The following GRIK1 variants were observed in gnomAD, a reference collection of about 807,000 sequenced individuals.
The protein encoded by GRIK1 is glutamate receptor ionotropic, kainate 1.
GRIK1 carries 69 observed loss-of-function variants against 105.7 expected under a neutral mutation model. The observed-to-expected ratio is 0.65, with a 90% CI of 0.54 to 0.80. GRIK1 has a LOEUF of 0.80. GRIK1 is among the 30% of genes least tolerant of loss of function. The pLI, the probability that GRIK1 is intolerant of heterozygous loss-of-function variation, is 0.00. For missense variants in GRIK1, 1,109 were observed against 1,167.3 expected, an observed-to-expected ratio of 0.95 and a Z score of 0.73; for synonymous variants, 438 against 431.3, an observed-to-expected ratio of 1.02 and a Z score of -0.19.
At chr21:29,674,647 T>G (rs572329476) in intron 3 of GRIK1, among the ~76,000 whole-genome samples, 12 of 152,150 alleles carry the variant, frequency 7.9e-5, no homozygotes, top group African/African-American at 2.9e-4. Context: ...AGTGTGGCAC[T>G]TCCCCCCTTG....
chr21:29,789,279 C>T (rs748991256), intron 1 of GRIK1, among the ~76,000 whole-genome samples: 2 of 152,208 alleles, frequency 1.3e-5, no homozygotes, highest in Non-Finnish European at 2.9e-5. Context: ...TTGTCTCATA[C>T]ACGATTAGCT....
intron 1 of GRIK1, among the ~76,000 whole-genome samples, chr21:29,719,671 G>A (rs746625821): frequency 2.0e-5 from 3 of 152,016 alleles, no homozygotes; most frequent in Non-Finnish European, 4.4e-5. Context: ...TCTGCAGCAT[G>A]TCTCTATCCT....
At chr21:29,631,227 T>C (rs538634276) in intron 7 of GRIK1, among the ~76,000 whole-genome samples, 17 of 152,246 alleles carry the variant, frequency 1.1e-4, no homozygotes, top group Admixed American at 3.3e-4. Context: ...TTGTTACAGA[T>C]TGAATAATTG....
At chr21:29,736,177 C>T (rs1294467652) in intron 1 of GRIK1, among the ~76,000 whole-genome samples, 1 of 151,066 alleles carries the variant, frequency 6.6e-6, no homozygotes, top group East Asian at 2.0e-4. Flanking sequence ...TTATAAAAAT[C>T]AGATACTGTC....
At chr21:29,742,784 A>T (rs1014001677) in intron 1 of GRIK1, among the ~76,000 whole-genome samples, 1 of 152,148 alleles carries the variant, frequency 6.6e-6, no homozygotes, top group African/African-American at 2.4e-5. Flanking sequence ...GAACATAGTG[A>T]ATCTGAGGTT....
chr21:29,809,902 A>G (rs2066965040), intron 1 of GRIK1, among the ~76,000 whole-genome samples: 1 of 152,186 alleles, frequency 6.6e-6, no homozygotes, highest in Admixed American at 6.5e-5. Context: ...GAAATGGAGG[A>G]ACAGCCGGTC....
At chr21:29,553,823 A>G (rs1304164623) in intron 16 of GRIK1, 3 of 676,928 alleles carry the variant, frequency 4.4e-6, no homozygotes, top group Non-Finnish European at 4.9e-6. Flanking sequence ...AGCACATTAA[A>G]GCATCATATA....
chr21:29,850,096 G>A (rs2068257796), intron 1 of GRIK1, among the ~76,000 whole-genome samples: 1 of 152,068 alleles, frequency 6.6e-6, no homozygotes, highest in South Asian at 2.1e-4. Context: ...TTTTTGGTTC[G>A]GTTTCGCTGA....
chr21:29,831,358 G>A (rs1386993527), intron 1 of GRIK1, among the ~76,000 whole-genome samples: 1 of 152,094 alleles, frequency 6.6e-6, no homozygotes, highest in Admixed American at 6.6e-5. Context: ...AAGAACTTTT[G>A]CATACGCTAT....
chr21:29,560,538 T>TTCTTTCTC (rs2090441657), intron 15 of GRIK1, among the ~76,000 whole-genome samples: 6 of 106,018 alleles, frequency 5.7e-5, no homozygotes, highest in Non-Finnish European at 1.1e-4. Flanking sequence ...CTTTCTTTCT[T>TTCTTTCTC]TCTTTCTTTC....
chr21:29,800,925 T>A (rs931246242), intron 1 of GRIK1, among the ~76,000 whole-genome samples: 2 of 152,090 alleles, frequency 1.3e-5, no homozygotes, highest in African/African-American at 4.8e-5. Context: ...AGGGCGGTAA[T>A]TGCTTTGATT....
chr21:29,647,318 T>G (rs898852099), intron 6 of GRIK1, among the ~76,000 whole-genome samples: 1 of 152,224 alleles, frequency 6.6e-6, no homozygotes, highest in Non-Finnish European at 1.5e-5. Flanking sequence ...GTTAAATGAC[T>G]TGTTCAGGTC....
At chr21:29,557,477 G>A (rs1294152619) in intron 15 of GRIK1, among the ~76,000 whole-genome samples, 1 of 152,160 alleles carries the variant, frequency 6.6e-6, no homozygotes, top group Non-Finnish European at 1.5e-5. Flanking sequence ...TCACGACAGT[G>A]TTCCCAACCA....
chr21:29,565,348 G>A (rs1438732602), intron 14 of GRIK1, among the ~76,000 whole-genome samples: 2 of 152,192 alleles, frequency 1.3e-5, no homozygotes, highest in African/African-American at 4.8e-5. Flanking sequence ...TTTGCAGGAA[G>A]ACCCAAAATG....
At chr21:29,577,898 A>G (rs2090933442) in intron 13 of GRIK1, among the ~76,000 whole-genome samples, 1 of 152,218 alleles carries the variant, frequency 6.6e-6, no homozygotes, top group East Asian at 1.9e-4. Flanking sequence ...CCTGGTAAGA[A>G]TATACATTTT....
At chr21:29,812,583 G>T (rs1292647244) in intron 1 of GRIK1, among the ~76,000 whole-genome samples, 3 of 152,104 alleles carry the variant, frequency 2.0e-5, no homozygotes, top group Non-Finnish European at 4.4e-5. Flanking sequence ...CCAGATCAGG[G>T]TTCCAAACTT....
intron 11 of GRIK1, 135 bp from the exon 12 acceptor site, chr21:29,587,724 T>TA: frequency 1.8e-6 from 1 of 559,428 alleles, no homozygotes; most frequent in South Asian, 2.2e-5. Context: ...TGGTTGGTTC[T>TA]AATAAAAAAA....
intron 16 of GRIK1, among the ~76,000 whole-genome samples, chr21:29,551,314 A>G (rs1224649284): frequency 6.6e-6 from 1 of 152,192 alleles, no homozygotes; most frequent in African/African-American, 2.4e-5. Context: ...ACACCCCTAC[A>G]AAACTTTGTG....
At chr21:29,890,368 C>T (rs2069848742) in intron 1 of GRIK1, among the ~76,000 whole-genome samples, 1 of 152,072 alleles carries the variant, frequency 6.6e-6, no homozygotes, top group Admixed American at 6.6e-5. Flanking sequence ...GCAGAAACTT[C>T]TTTTCAAGTG....
Sources: gnomAD v4.1 joint callset for allele counts (sites outside exome capture counted in the v4.1 genomes callset) on GRCh38, gnomAD v4.1.1 for gene constraint, MANE v1.5 for transcripts, NCBI Gene and HGNC (gene_info 2026-07-23, HGNC 2026-07-21) for gene names.